EEF1A1: variants seen among roughly 807,000 people sequenced by gnomAD.
EEF1A1 encodes the protein elongation factor 1-alpha 1.
In EEF1A1, 1 loss-of-function variant was observed where a neutral mutation model predicts 38.5. The ratio of observed to expected loss-of-function variants is 0.03; its 90% CI spans 0.01 to 0.12. The LOEUF (loss-of-function observed/expected upper bound fraction) is 0.12, where lower values mean the gene tolerates loss of function less well. Ranked by LOEUF, EEF1A1 falls within the 10% of genes least tolerant of loss-of-function variation. EEF1A1 has a pLI of 1.00. For missense variants in EEF1A1, 184 were observed against 588.3 expected (o/e 0.31, Z 7.11); for synonymous variants, 229 against 203.7 (o/e 1.12, Z -1.06).
rs765308797 is a variant in EEF1A1, at chr6:73,518,366, G to C, written c.1017C>G (p.Gly339=). The part of the protein sequence containing the change: ...SKNDPPMEAA[G]FTAQVIILNH... The stretch of plus-strand genomic sequence containing the variant: ...TTTAAATTGTTACCTGAGCAGTGAA[G>C]CCAGCTGCTTCCATTGGTGGGTCAT... Residue 339 remains glycine, a synonymous_variant, in exon 6 of 8, where the codon GGC becomes GGG. Coordinates refer to ENST00000309268, the MANE Select transcript of EEF1A1 (RefSeq NM_001402.6). The C allele has an allele frequency of 2.5e-6, 4 of 1,613,746 alleles. No individual in the cohort carries two copies. Among genetic ancestry groups the C allele is most frequent in the Non-Finnish European group, 3.4e-6 (4 of 1,180,028 alleles).
rs1765556851 is a variant in EEF1A1 at position 73,517,710 on chromosome 6, CT to C, written c.*99del. 1.6e-6 allele frequency: 1 copy of C among 625,390 alleles called. No homozygotes were observed. The highest frequency in any genetic ancestry group is 1.9e-5 in the African/African-American group (1 of 53,960). 38.7% of individuals were successfully genotyped at this position (625,390 alleles called of 1,614,324 possible). On this transcript the variant is annotated 3_prime_UTR_variant, in exon 8 of 8. Coordinates refer to ENST00000309268, the MANE Select transcript of EEF1A1 (RefSeq NM_001402.6). ...CGATGCATTGTTATCATTAACCAGTCTTTTACTACTAAACTTAAATGGCCAA... is the reference window on the plus strand; with the variant it reads ...CGATGCATTGTTATCATTAACCAGTCTTTACTACTAAACTTAAATGGCCAA...
chr6:73,517,450 T>A lies in EEF1A1; in HGVS notation c.*360A>T, dbSNP rs192629107. ...TTACATTTTCAAGAAGTTTCCAGAT[T>A]CGTAAAACCAGAATTAGATGTCTTT... On this transcript the variant is annotated 3_prime_UTR_variant, in exon 8 of 8. Transcript: ENST00000309268. 2 of 202,680 alleles carry A rather than the reference T, an allele frequency of 9.9e-6. No homozygotes were observed. The highest frequency in any genetic ancestry group is 2.5e-4 in the East Asian group (2 of 7,972). 12.6% of individuals were successfully genotyped at this position (202,680 alleles called of 1,614,324 possible).
chr6:73,518,629 TA>T lies in EEF1A1; in HGVS notation c.773-20del, dbSNP rs769663205. 2 of 1,613,056 alleles carry T rather than the reference TA, an allele frequency of 1.2e-6. No individual in the cohort carries two copies. Among genetic ancestry groups the T allele is most frequent in the South Asian group, 2.2e-5 (2 of 91,058 alleles). ...CCAATACCTAAAAATATTTACAGCA[TA>T]CTAAATACCTATGAAGGCAGACAGT... On this transcript the variant is annotated intron_variant, in intron 5 of 7. Coordinates refer to ENST00000309268, the MANE Select transcript of EEF1A1 (RefSeq NM_001402.6).
chr6:73,516,995 A>T lies in EEF1A1; in HGVS notation c.*815T>A, dbSNP rs992061815. 1.3e-5 allele frequency: 2 copies of T among 152,218 alleles called. No individual in the cohort carries two copies. The highest frequency in any genetic ancestry group is 4.8e-5 in the African/African-American group (2 of 41,456). The allele number at this position is 152,218 out of a possible 1,614,324, so 9.4% of individuals were successfully genotyped here. ...CTATTAGAACCTTGTTCCTATTCTG[A>T]ATAGCACTCAATAGAACTTGTGAAA... On this transcript the variant is annotated 3_prime_UTR_variant, in exon 8 of 8. Transcript: ENST00000309268.
chr6:73,517,979 G>C (rs1765563897), intron 7 of EEF1A1, 45 bp from the exon 8 acceptor site: 2 of 1,612,644 alleles, frequency 1.2e-6, no homozygotes, highest in African/African-American at 1.3e-5. Flanking sequence ...CTGTTCAGTT[G>C]TATTTTTCAT....
At chr6:73,520,160 C>A (rs1373121349) in intron 1 of EEF1A1, 104 bp from the exon 2 acceptor site, 3 of 1,129,968 alleles carry the variant, frequency 2.7e-6, no homozygotes, top group Non-Finnish European at 3.7e-6. Context: ...CATCAAGTGC[C>A]AAGCTGGCCT....
rs1200073666 is a variant in EEF1A1, at chr6:73,516,445, A to G, written c.*1365T>C. 6.6e-6 allele frequency: 1 copy of G among 152,122 alleles called. No individual in the cohort carries two copies. The highest frequency in any genetic ancestry group is 2.4e-5 in the African/African-American group (1 of 41,408). 9.4% of individuals were successfully genotyped at this position (152,122 alleles called of 1,614,324 possible). A position where few individuals can be genotyped will look rare whatever the true frequency, so the allele number is the denominator to read the frequency against. ...ACCAACATGGAAAAACCTCATCTCT[A>G]TTAAAAACACCAAATTAGCACATGC... On this transcript the variant is annotated 3_prime_UTR_variant, in exon 8 of 8. Coordinates refer to ENST00000309268, the MANE Select transcript of EEF1A1 (RefSeq NM_001402.6).
intron 1 of EEF1A1, 195 bp from the exon 2 acceptor site, chr6:73,520,251 A>G (rs965410834): frequency 3.9e-6 from 2 of 518,200 alleles, no homozygotes; most frequent in African/African-American, 2.0e-5. Flanking sequence ...GACGTACTCC[A>G]AAAGCTCGAG....
rs1765537886 is a variant in EEF1A1 at position 73,517,121 on chromosome 6, AAT to A, written c.*687_*688del. 6.6e-6 allele frequency: 1 copy of A among 152,332 alleles called. No individual in the cohort carries two copies. Among genetic ancestry groups the A allele is most frequent in the African/African-American group, 2.4e-5 (1 of 41,476 alleles). 9.4% of individuals were successfully genotyped at this position (152,332 alleles called of 1,614,324 possible). On this transcript the variant is annotated 3_prime_UTR_variant, in exon 8 of 8. Coordinates refer to ENST00000309268, the MANE Select transcript of EEF1A1 (RefSeq NM_001402.6). ...TACACTTATTTCTTATGTCATGGCA[AAT>A]AGTCAACTTTCACTGCCCAGTCATT...
At position 73,515,903 on chromosome 6, in the gene EEF1A1, T is replaced by G. The variant is rs994660191; in HGVS notation, c.*1907A>C. 5.3e-5 allele frequency: 8 copies of G among 152,220 alleles called. No homozygotes were observed. The highest frequency in any genetic ancestry group is 7.3e-5 in the Non-Finnish European group (5 of 68,048). The allele number at this position is 152,220 out of a possible 1,614,324, so 9.4% of individuals were successfully genotyped here. A position where few individuals can be genotyped will look rare whatever the true frequency, so the allele number is the denominator to read the frequency against. Reference sequence around the variant, plus strand: ...TAAACTGACTCATTCCTGCTTCCAGTGGGAACAATTTTTCAGTTAAATCTT... The same window carrying G: ...TAAACTGACTCATTCCTGCTTCCAGGGGGAACAATTTTTCAGTTAAATCTT... On this transcript the variant is annotated 3_prime_UTR_variant, in exon 8 of 8. Coordinates refer to ENST00000309268, the MANE Select transcript of EEF1A1 (RefSeq NM_001402.6).
Position 73,518,100 on chromosome 6 carries a change from A to G in EEF1A1, c.1194T>C (p.Asp398=), listed in dbSNP as rs748786375. 2.5e-6 allele frequency: 4 copies of G among 1,596,104 alleles called. No individual in the cohort carries two copies. Among genetic ancestry groups the G allele is most frequent in the African/African-American group, 1.3e-5 (1 of 74,630 alleles). Reference sequence around the variant, plus strand: ...CAGGAACCATATCAACAATGGCAGCATCACCAGACTTCAAGAATTTAGGGC... The same window carrying G: ...CAGGAACCATATCAACAATGGCAGCGTCACCAGACTTCAAGAATTTAGGGC... The part of the protein sequence containing the change: ...EDGPKFLKSG[D]AAIVDMVPGK... Residue 398 remains aspartate (D), a synonymous_variant, in exon 7 of 8, where the codon GAT becomes GAC. Coordinates refer to ENST00000309268, the MANE Select transcript of EEF1A1 (RefSeq NM_001402.6).
At chr6:73,520,150 C>A in intron 1 of EEF1A1, 94 bp from the exon 2 acceptor site, 1 of 1,220,488 alleles carries the variant, frequency 8.2e-7, no homozygotes, top group Non-Finnish European at 1.1e-6. Flanking sequence ...AGGAGAATTA[C>A]ATCAAGTGCC....
intron 2 of EEF1A1, 90 bp downstream of exon 2, chr6:73,519,793 A>C: frequency 6.4e-7 from 1 of 1,560,724 alleles, no homozygotes. Context: ...TTCAGATCTA[A>C]ACCACTCACT....
In EEF1A1 at chr6:73,518,720, G is replaced by C. The variant is rs1765584205; in HGVS notation, c.750C>G (p.Leu250=). The stretch of plus-strand genomic sequence containing the variant: ...TACCACCAATTTTGTAGACATCCTG[G>C]AGAGGCAGGCGCAAGGGCTTGTCAG... The part of the protein sequence containing the change: ...RPTDKPLRLP[L]QDVYKIGGIG... The change falls in exon 5 of 8, where the codon CTC becomes CTG. Residue 250 remains leucine (L), a synonymous_variant. Transcript: ENST00000309268. 6.2e-6 allele frequency: 10 copies of C among 1,614,086 alleles called. No homozygotes were observed. Among genetic ancestry groups the C allele is most frequent in the Non-Finnish European group, 8.5e-6 (10 of 1,180,004 alleles).
chr6:73,519,260 A>G (rs1330816030), intron 3 of EEF1A1, 32 bp from the exon 4 acceptor site: 3 of 1,606,524 alleles, frequency 1.9e-6, no homozygotes, highest in African/African-American at 1.3e-5. Context: ...ATCCCTGTCA[A>G]CTCTCCAAAT....
At chr6:73,520,290 G>A (rs906570686) in intron 1 of EEF1A1, 19 of 396,122 alleles carry the variant, frequency 4.8e-5, no homozygotes, top group Middle Eastern at 1.4e-3. Flanking sequence ...GACGGCGCCC[G>A]GTACTCCGTG....
rs1765541417 is a variant in EEF1A1 at position 73,517,233 on chromosome 6, G to T, written c.*577C>A. ...TCACTTAACATTGGTTTAGCAACAT[G>T]AAGCTTTCTATGCAACACAAGGACT... is the stretch of plus-strand genomic sequence containing the variant. On this transcript the variant is annotated 3_prime_UTR_variant, in exon 8 of 8. Coordinates refer to ENST00000309268, the MANE Select transcript of EEF1A1 (RefSeq NM_001402.6). 6.6e-6 allele frequency: 1 copy of T among 152,128 alleles called. No homozygotes were observed. Among genetic ancestry groups the T allele is most frequent in the African/African-American group, 2.4e-5 (1 of 41,458 alleles). 9.4% of individuals were successfully genotyped at this position (152,128 alleles called of 1,614,324 possible).
rs1220400518 is a variant in EEF1A1, at chr6:73,518,585, T to C, written c.798A>G (p.Arg266=). 1.2e-6 allele frequency: 2 copies of C among 1,613,546 alleles called. No individual in the cohort carries two copies. The highest frequency in any genetic ancestry group is 2.2e-5 in the South Asian group (2 of 91,078). Residue 266 remains arginine (R), a synonymous_variant, in exon 6 of 8, where the codon CGA becomes CGG. Transcript: ENST00000309268. ...CGGGTTTGAGAACACCAGTCTCCAC[T>C]CGGCCAACAGGAACAGTACCAATAC... The part of the protein sequence containing the change: ...IGGIGTVPVG[R]VETGVLKPGM...
At chr6:73,519,589 T>C in intron 2 of EEF1A1, 73 bp from the exon 3 acceptor site, 1 of 1,468,460 alleles carries the variant, frequency 6.8e-7, no homozygotes, top group Non-Finnish European at 9.1e-7. Context: ...TCCCCAGCCC[T>C]TAATTGGCAG....
Sources: gnomAD v4.1 joint callset for allele counts on GRCh38, gnomAD v4.1.1 for gene constraint, MANE v1.5 for transcripts, NCBI Gene and HGNC (gene_info 2026-07-23, HGNC 2026-07-21) for gene names.